The following MAP2K6 variants were observed in gnomAD, a reference collection of about 807,000 sequenced individuals.
MAP2K6 encodes mitogen-activated protein kinase kinase 6, also known as dual specificity mitogen-activated protein kinase kinase 6.
In MAP2K6, 16 loss-of-function variants were observed where a neutral mutation model predicts 53.7. The ratio of observed to expected loss-of-function variants is 0.30; its 90% CI spans 0.20 to 0.45. The LOEUF is 0.45. MAP2K6 is among the 20% of genes least tolerant of loss of function. MAP2K6 has a pLI of 1.00. For synonymous variants in MAP2K6, 132 were observed against 143.1 expected, an observed-to-expected ratio of 0.92 and a Z score of 0.55; for missense variants, 204 against 411.9, an observed-to-expected ratio of 0.50 and a Z score of 4.37.
intron 1 of MAP2K6, among the ~76,000 whole-genome samples, chr17:69,488,612 T>G (rs1908634251): frequency 6.6e-6 from 1 of 152,160 alleles, no homozygotes; most frequent in Admixed American, 6.5e-5. Context: ...AAAAGCATGT[T>G]CTTTGCAGGA....
intron 1 of MAP2K6, among the ~76,000 whole-genome samples, chr17:69,426,936 A>T (rs182358430): frequency 6.6e-6 from 1 of 152,324 alleles, no homozygotes; most frequent in Non-Finnish European, 1.5e-5. Context: ...AGGTGAATAA[A>T]TGGAATATAT....
chr17:69,493,529 G>A (rs1340703807), intron 1 of MAP2K6, among the ~76,000 whole-genome samples: 1 of 152,206 alleles, frequency 6.6e-6, no homozygotes, highest in Non-Finnish European at 1.5e-5. Context: ...GGGAGGCTGA[G>A]GCAGGCAGAT....
Position 69,545,436 on chromosome 17 carries a change from T to C in MAP2K6, c.*3683T>C, listed in dbSNP as rs928124644. ...ACAAATGGGTTAAATAAGCAGCTTT[T>C]ATCACAGTTAAGCCATCTGAAATGG... On this transcript the variant is annotated 3_prime_UTR_variant, in exon 12 of 12. Transcript: ENST00000590474. 6.6e-6 allele frequency: 1 copy of C among 152,222 alleles called. No individual in the cohort carries two copies. The highest frequency in any genetic ancestry group is 2.1e-4 in the South Asian group (1 of 4,834). The allele number at this position is 152,222 out of a possible 1,614,324, so 9.4% of individuals were successfully genotyped here.
At chr17:69,525,123 ATTGT>A (rs1298090102) in intron 9 of MAP2K6, 145 bp downstream of exon 9, 7 of 569,320 alleles carry the variant, frequency 1.2e-5, no homozygotes, top group Admixed American at 2.7e-5. Context: ...TTGAGTAATA[ATTGT>A]TTGTATTGTG....
chr17:69,438,033 C>T (rs146403494), intron 1 of MAP2K6, among the ~76,000 whole-genome samples: 94 of 152,348 alleles, frequency 6.2e-4, no homozygotes, highest in African/African-American at 1.8e-3. Context: ...ATAAATTACA[C>T]GTAAGTGTAG....
chr17:69,459,227 A>C (rs1907527967), intron 1 of MAP2K6, among the ~76,000 whole-genome samples: 1 of 152,168 alleles, frequency 6.6e-6, no homozygotes. Context: ...GAATTCCTTC[A>C]GGCAAATAAT....
chr17:69,527,836 G>A (rs1910854855), intron 10 of MAP2K6, among the ~76,000 whole-genome samples: 2 of 152,094 alleles, frequency 1.3e-5, no homozygotes, highest in South Asian at 4.1e-4. Context: ...TAGAAGTGCT[G>A]TGAGGCAGGG....
intron 1 of MAP2K6, among the ~76,000 whole-genome samples, chr17:69,467,355 T>C (rs1907847378): frequency 6.6e-6 from 1 of 152,240 alleles, no homozygotes. Flanking sequence ...TGCTCTGCTC[T>C]GCAGGGAGCA....
chr17:69,552,140 C>T lies in MAP2K6; in HGVS notation c.*10387C>T, dbSNP rs1411351781. 26 of 152,196 alleles carry T rather than the reference C, an allele frequency of 1.7e-4. 1 individual carries two copies. Among genetic ancestry groups the T allele is most frequent in the Admixed American group, 1.7e-3 (26 of 15,268 alleles). The allele number at this position is 152,196 out of a possible 1,614,324, so 9.4% of individuals were successfully genotyped here. On this transcript the variant is annotated 3_prime_UTR_variant, in exon 12 of 12. Transcript: ENST00000590474. Reference sequence around the variant, plus strand: ...TATATGATTGATTGTTTGCCTGTTGCACCCTAAAGTTATTTTCAAACCATG... The same window carrying T: ...TATATGATTGATTGTTTGCCTGTTGTACCCTAAAGTTATTTTCAAACCATG...
rs1490943318 is a variant in MAP2K6 at position 69,494,638 on chromosome 17, C to A, written c.17-11142C>A. On this transcript the variant is annotated intron_variant, in intron 1 of 11. Coordinates refer to ENST00000590474, the MANE Select transcript of MAP2K6 (RefSeq NM_002758.4). This position sits in a 1 kb window ranked among gnomAD's most constrained non-coding sequence, Gnocchi z 4.2. ...TTTGTTTCTTTATTACCCCCTTAGT[C>A]TTCAAGCAGCTGGTTGAATTAAAGT... 6.6e-6 allele frequency among the ~76,000 whole-genome samples: 1 copy of A among 152,154 alleles called. No individual in the cohort carries two copies. Among genetic ancestry groups the A allele is most frequent in the Non-Finnish European group, 1.5e-5 (1 of 68,024 alleles).
At chr17:69,435,036 C>G (rs1906592032) in intron 1 of MAP2K6, 1 of 152,194 alleles carries the variant, frequency 6.6e-6, no homozygotes, top group Admixed American at 6.5e-5. Context: ...CTTTCCTGCA[C>G]TCCAGTTGGG....
intron 1 of MAP2K6, among the ~76,000 whole-genome samples, chr17:69,464,853 T>C (rs942041893): frequency 2.0e-5 from 3 of 151,478 alleles, no homozygotes; most frequent in Non-Finnish European, 4.4e-5. Context: ...GTAGCTGGGA[T>C]TACAGGCACG....
chr17:69,486,726 A>G (rs1010177947), intron 1 of MAP2K6, among the ~76,000 whole-genome samples: 1 of 152,116 alleles, frequency 6.6e-6, no homozygotes, highest in African/African-American at 2.4e-5. Context: ...AATTTATGTC[A>G]AGTAGGGAAT....
rs142337886 is a variant in MAP2K6 at position 69,513,397 on chromosome 17, C to T, written c.84-3458C>T. Among the ~76,000 whole-genome samples the T allele has an allele frequency of 3.2e-4, 48 of 152,280 alleles. No individual in the cohort carries two copies. The East Asian group carries it at 4.2e-3, about 13-fold the overall frequency. On this transcript the variant is annotated intron_variant, in intron 2 of 11. Coordinates refer to ENST00000590474, the MANE Select transcript of MAP2K6 (RefSeq NM_002758.4). Reference sequence around the variant, plus strand: ...TCCTCCTTAAATCAAGGCTGAGATTCGGGTGACTTGAGTTTTATTTTCAGC... The same window carrying T: ...TCCTCCTTAAATCAAGGCTGAGATTTGGGTGACTTGAGTTTTATTTTCAGC...
chr17:69,511,717 G>A (rs2145236662), intron 2 of MAP2K6, among the ~76,000 whole-genome samples: 1 of 152,296 alleles, frequency 6.6e-6, no homozygotes, highest in Non-Finnish European at 1.5e-5. Flanking sequence ...TTCAGGGTCT[G>A]GAGCCAGAAC....
chr17:69,479,435 A>G (rs1908272057), intron 1 of MAP2K6, among the ~76,000 whole-genome samples: 1 of 152,174 alleles, frequency 6.6e-6, no homozygotes, highest in African/African-American at 2.4e-5. Flanking sequence ...CTATGTGTAA[A>G]GGGGTGTCTG....
chr17:69,500,966 T>C (rs1909148113), intron 1 of MAP2K6, among the ~76,000 whole-genome samples: 1 of 152,154 alleles, frequency 6.6e-6, no homozygotes, highest in African/African-American at 2.4e-5. Context: ...CCTGCCCTGC[T>C]TCGTTCGTTG....
chr17:69,426,631 T>C (rs1236919165), intron 1 of MAP2K6, among the ~76,000 whole-genome samples: 2 of 152,116 alleles, frequency 1.3e-5, no homozygotes, highest in Non-Finnish European at 1.5e-5. Context: ...GAAAGTCCTA[T>C]GAATAAGAGA....
chr17:69,417,128 G>A (rs1356214621), intron 1 of MAP2K6, among the ~76,000 whole-genome samples: 2 of 152,170 alleles, frequency 1.3e-5, no homozygotes, highest in East Asian at 3.8e-4. Flanking sequence ...AAAATTATTG[G>A]TAGAAAGAAG....
Sources: gnomAD v4.1 joint callset for allele counts (sites outside exome capture counted in the v4.1 genomes callset) on GRCh38, gnomAD v4.1.1 for gene constraint, Gnocchi (gnomAD v3.1) non-coding constraint, MANE v1.5 for transcripts, NCBI Gene and HGNC (gene_info 2026-07-23, HGNC 2026-07-21) for gene names.